MAF: variants seen among roughly 807,000 people sequenced by gnomAD.
MAF encodes transcription factor Maf.
In MAF, 10 loss-of-function variants were observed where a neutral mutation model predicts 22.0. That is an observed-to-expected ratio of 0.45 (90% CI 0.28 to 0.77). The LOEUF (loss-of-function observed/expected upper bound fraction) is 0.77, where lower values mean the gene tolerates loss of function less well. MAF is among the 30% of genes least tolerant of loss of function. The pLI is 0.12. For missense variants in MAF, 544 were observed against 548.4 expected, an observed-to-expected ratio of 0.99 and a Z score of 0.08; for synonymous variants, 337 against 255.8, an observed-to-expected ratio of 1.32 and a Z score of -3.03.
the MAF span, among the ~76,000 whole-genome samples, chr16:79,394,719 C>CAT: frequency 6.6e-6 from 1 of 152,182 alleles, no homozygotes; most frequent in Non-Finnish European, 1.5e-5. Flanking sequence ...TTAAAACACA[C>CAT]AGATGCCTGC....
chr16:79,401,139 G>A, the MAF span, among the ~76,000 whole-genome samples: 8 of 152,146 alleles, frequency 5.3e-5, no homozygotes, highest in Non-Finnish European at 1.0e-4. Context: ...ACAGGGCGTG[G>A]CGCTGGGTCC....
At chr16:79,531,398 G>A in the MAF span, among the ~76,000 whole-genome samples, 1 of 152,050 alleles carries the variant, frequency 6.6e-6, no homozygotes, top group Non-Finnish European at 1.5e-5. Context: ...CTGGGAGTGG[G>A]GTGGGGATGT....
chr16:79,437,140 C>CTGTGTG, the MAF span, among the ~76,000 whole-genome samples: 24 of 25,998 alleles, frequency 9.2e-4, no homozygotes, highest in Admixed American at 3.2e-3. Context: ...AAAGCTCTCT[C>CTGTGTG]TCTCTCTGTG....
At chr16:79,383,919 C>A in the MAF span, among the ~76,000 whole-genome samples, 3 of 152,072 alleles carry the variant, frequency 2.0e-5, no homozygotes, top group African/African-American at 2.4e-5. Flanking sequence ...CTTTTCCCCC[C>A]AAAAGTACAA....
At chr16:79,556,204 C>G in the MAF span, among the ~76,000 whole-genome samples, 7,041 of 152,294 alleles carry the variant, frequency 0.046, 207 homozygotes, top group Non-Finnish European at 0.07. Flanking sequence ...TGTCTCTAAG[C>G]TTATTATATC....
chr16:79,299,739 C>T, the MAF span, among the ~76,000 whole-genome samples: 2 of 152,212 alleles, frequency 1.3e-5, no homozygotes, highest in African/African-American at 4.8e-5. Context: ...GCTTTTCGTT[C>T]CTGGCTCCAC....
chr16:79,229,840 C>T, the MAF span, among the ~76,000 whole-genome samples: 3 of 152,006 alleles, frequency 2.0e-5, no homozygotes, highest in African/African-American at 7.2e-5. Context: ...AATTCCCTTC[C>T]TCGTAGAATG....
chr16:79,414,635 T>C, the MAF span, among the ~76,000 whole-genome samples: 1 of 152,184 alleles, frequency 6.6e-6, no homozygotes, highest in Non-Finnish European at 1.5e-5. Context: ...CACGGACTAG[T>C]GCTCAAGGAG....
chr16:79,331,952 TA>T, the MAF span, among the ~76,000 whole-genome samples: 1 of 152,216 alleles, frequency 6.6e-6, no homozygotes, highest in Non-Finnish European at 1.5e-5. Context: ...CTTTATTTTT[TA>T]AAAGTAACAT....
At chr16:79,586,445 G>A (rs145508333) in intron 1 of MAF, among the ~76,000 whole-genome samples, 1 of 152,248 alleles carries the variant, frequency 6.6e-6, no homozygotes, top group East Asian at 1.9e-4. Flanking sequence ...TATCCTGCTG[G>A]CACCACTGAC....
At chr16:79,205,139 T>C in the MAF span, 1 of 152,238 alleles carries the variant, frequency 6.6e-6, no homozygotes, top group African/African-American at 2.4e-5. Flanking sequence ...GTGCCTGTCA[T>C]TTAAAAGCTG....
Position 79,599,499 on chromosome 16 carries a change from G to T in MAF, c.404C>A (p.Ala135Glu). The T allele has an allele frequency of 1.3e-6, 2 of 1,502,560 alleles. No homozygotes were observed. Among genetic ancestry groups the T allele is most frequent in the Non-Finnish European group, 1.8e-6 (2 of 1,129,394 alleles). The allele number at this position is 1,502,560 out of a possible 1,614,324, so 93.1% of individuals were successfully genotyped here. A position where few individuals can be genotyped will look rare whatever the true frequency, so the allele number is the denominator to read the frequency against. Residue 135 changes from alanine (A) to glutamate (E), a missense_variant, in exon 1 of 2, where the codon GCG (alanine) becomes GAG (glutamate). Around this residue, in one of 5 missense-constraint regions of MAF, gnomAD observed 342 missense variants for 315.5 expected, o/e 1.08. Coordinates refer to ENST00000326043, the MANE Select transcript of MAF (RefSeq NM_005360.5). ...CCCGGCCGCCGCGGCCAGCTGCTGC[G>T]CCCCGCGCGCGTAGCCATCGAAGCC... ...QGGFDGYARGAQQLAAAAGAG... is the reference protein window; with the variant it reads ...QGGFDGYARGEQQLAAAAGAG...
chr16:79,473,016 G>A, the MAF span, among the ~76,000 whole-genome samples: 1 of 152,056 alleles, frequency 6.6e-6, no homozygotes, highest in Non-Finnish European at 1.5e-5. Context: ...AAGGACTGAC[G>A]CTAAGCAAAT....
chr16:79,295,358 G>T, the MAF span, among the ~76,000 whole-genome samples: 2 of 152,248 alleles, frequency 1.3e-5, no homozygotes. Flanking sequence ...GCACAGCCAC[G>T]TGGTGGAAGA....
chr16:79,220,307 T>G, the MAF span, among the ~76,000 whole-genome samples: 1 of 148,244 alleles, frequency 6.7e-6, no homozygotes, highest in Admixed American at 6.7e-5. Context: ...AGCATTTAAG[T>G]TTGGGGGGCA....
At chr16:79,393,940 C>T in the MAF span, among the ~76,000 whole-genome samples, 1 of 152,140 alleles carries the variant, frequency 6.6e-6, no homozygotes, top group Non-Finnish European at 1.5e-5. Flanking sequence ...TTCCATGTGC[C>T]AGGTACAGTG....
the MAF span, among the ~76,000 whole-genome samples, chr16:79,284,018 A>G: frequency 1.6e-4 from 25 of 151,806 alleles, no homozygotes; most frequent in Middle Eastern, 7.0e-3. Context: ...TGATGGCAGA[A>G]CAAGGGTCCT....
chr16:79,362,369 C>G, the MAF span, among the ~76,000 whole-genome samples: 1 of 152,156 alleles, frequency 6.6e-6, no homozygotes, highest in Non-Finnish European at 1.5e-5. Context: ...CTTGAATATA[C>G]GAGTTACCCC....
chr16:79,524,614 G>C, the MAF span, among the ~76,000 whole-genome samples: 1 of 152,194 alleles, frequency 6.6e-6, no homozygotes, highest in African/African-American at 2.4e-5. Flanking sequence ...TTTAGTTTGA[G>C]TGTGTGTTTC....
Sources: gnomAD v4.1 joint callset for allele counts (sites outside exome capture counted in the v4.1 genomes callset) on GRCh38, gnomAD v4.1.1 for gene constraint, gnomAD v4.1.1 regional missense constraint, MANE v1.5 for transcripts, NCBI Gene and HGNC (gene_info 2026-07-23, HGNC 2026-07-21) for gene names.